Variants in POLR1A observed in about 807,000 individuals in gnomAD.
The protein encoded by POLR1A is RNA polymerase I subunit A.
In POLR1A, 84 loss-of-function variants were observed where a neutral mutation model predicts 205.3. That is an observed-to-expected ratio of 0.41 (90% CI 0.34 to 0.49). POLR1A has a LOEUF of 0.49. Ranked by LOEUF, POLR1A falls within the 20% of genes least tolerant of loss-of-function variation. The probability of loss-of-function intolerance (pLI) is 0.22; values close to 1 mark genes in which losing one functional copy is unlikely to be tolerated. For synonymous variants in POLR1A, 799 were observed against 863.7 expected (o/e 0.93, Z 1.31); for missense variants, 1,645 against 2,204.5 (o/e 0.75, Z 5.08).
chr2:86,097,760 A>G (rs1673733182), intron 3 of POLR1A, among the ~76,000 whole-genome samples: 1 of 152,122 alleles, frequency 6.6e-6, no homozygotes, highest in African/African-American at 2.4e-5. Context: ...GGAGGGGAAC[A>G]GGAAGAGATT....
chr2:86,075,933 C>T lies in POLR1A; in HGVS notation c.1381-673G>A, dbSNP rs138563732. 5.2e-3 allele frequency among the ~76,000 whole-genome samples: 791 copies of T among 152,316 alleles called. 8 individuals carry two copies. Among genetic ancestry groups the T allele is most frequent in the African/African-American group, 0.018 (751 of 41,564 alleles). ...CCTGTCCTCAAATACCCTGACATCC[C>T]TCATCTACCCTGGCAGACATCACTA... is the stretch of plus-strand genomic sequence containing the variant. On this transcript the variant is annotated intron_variant, in intron 11 of 33. Transcript: ENST00000263857.
rs577161109 is a variant in POLR1A at position 86,091,629 on chromosome 2, T to C, written c.433-1700A>G. ...TTACAAAAAAAAGTTTAAGGTATAA[T>C]AGTAGGCACCATGAATAATTTTATG... is the stretch of plus-strand genomic sequence containing the variant. On this transcript the variant is annotated intron_variant, in intron 3 of 33. Transcript: ENST00000263857. Among the ~76,000 whole-genome samples the C allele has an allele frequency of 3.3e-5, 5 of 152,328 alleles. No homozygotes were observed. In the East Asian group the frequency reaches 7.7e-4, roughly 23 times the overall value.
At position 86,023,070 on chromosome 2, in the gene POLR1A, A is replaced by G. The variant is rs1690180030; in HGVS notation, c.*4353T>C. On this transcript the variant is annotated 3_prime_UTR_variant, in exon 34 of 34. Transcript: ENST00000263857. ...AATCGATCTTTTTAAAAAGCTCCCTAAGTGTTTCTAAGGTCCAAAACTGAG... is the reference window on the plus strand; with the variant it reads ...AATCGATCTTTTTAAAAAGCTCCCTGAGTGTTTCTAAGGTCCAAAACTGAG... 1 of 152,214 alleles carries G rather than the reference A, an allele frequency of 6.6e-6. No homozygotes were observed. Among genetic ancestry groups the G allele is most frequent in the South Asian group, 2.1e-4 (1 of 4,810 alleles). The allele number at this position is 152,214 out of a possible 1,614,324, so 9.4% of individuals were successfully genotyped here.
At position 86,020,423 on chromosome 2, in the gene POLR1A, C is replaced by T. The variant is rs1411154981; in HGVS notation, c.*7000G>A. 1 of 151,824 alleles carries T rather than the reference C, an allele frequency of 6.6e-6. No individual in the cohort carries two copies. Among genetic ancestry groups the T allele is most frequent in the East Asian group, 1.9e-4 (1 of 5,184 alleles). The allele number at this position is 151,824 out of a possible 1,614,324, so 9.4% of individuals were successfully genotyped here. ...ATTAGCTGGGCATGGTGTTGTGTGC[C>T]TGTAGTCCCAGTTACTTGGAAGGCT... On this transcript the variant is annotated 3_prime_UTR_variant, in exon 34 of 34. Coordinates refer to ENST00000263857, the MANE Select transcript of POLR1A (RefSeq NM_015425.6).
At chr2:86,096,505 T>A (rs1037356369) in intron 3 of POLR1A, among the ~76,000 whole-genome samples, 2 of 152,066 alleles carry the variant, frequency 1.3e-5, no homozygotes, top group Admixed American at 6.5e-5. Context: ...GCTGGAGGCA[T>A]CACACTACCA....
intron 19 of POLR1A, 34 bp from the exon 20 acceptor site, chr2:86,045,803 T>G (rs928840349): frequency 1.3e-6 from 2 of 1,583,272 alleles, no homozygotes; most frequent in South Asian, 2.3e-5. Context: ...AAACTGAAGA[T>G]CCACATGTGT....
intron 18 of POLR1A, among the ~76,000 whole-genome samples, 178 bp downstream of exon 18, chr2:86,048,706 G>A (rs1429309737): frequency 6.6e-6 from 1 of 152,196 alleles, no homozygotes; most frequent in East Asian, 1.9e-4. Flanking sequence ...CTGGGGCAGG[G>A]AACAAAGCCC....
chr2:86,044,161 G>C lies in POLR1A; in HGVS notation c.3113C>G (p.Pro1038Arg), dbSNP rs1418549978. The C allele has an allele frequency of 1.2e-6, 2 of 1,614,080 alleles. No homozygotes were observed. The highest frequency in any genetic ancestry group is 1.7e-6 in the Non-Finnish European group (2 of 1,180,038). Reference sequence around the variant, plus strand: ...TACCTCGTAGTTGCTGGCCAGGAAGGGGAACTGCTTGGGCTGCAGGAACTG... The same window carrying C: ...TACCTCGTAGTTGCTGGCCAGGAAGCGGAACTGCTTGGGCTGCAGGAACTG... ...KTQFLQPKQF[P>R]FLASNYEVIM... Residue 1038 changes from proline (P) to arginine (R), a missense_variant, in exon 22 of 34, where the codon CCC becomes CGC. By Grantham distance (103) the Pro-to-Arg change is moderately radical. This residue lies in a region of POLR1A where 201 missense variants were observed against 222.3 expected (regional missense o/e 0.90). Transcript: ENST00000263857.
chr2:86,086,082 G>C (rs1456856449), intron 6 of POLR1A, among the ~76,000 whole-genome samples: 1 of 152,078 alleles, frequency 6.6e-6, no homozygotes, highest in Non-Finnish European at 1.5e-5. Context: ...CTTTGAGATG[G>C]GGTTTCGCTC....
rs538345947 is a variant in POLR1A, at chr2:86,033,724, G to A, written c.4098C>T (p.Asn1366=). 10 of 1,613,988 alleles carry A rather than the reference G, an allele frequency of 6.2e-6. No individual in the cohort carries two copies. The highest frequency in any genetic ancestry group is 4.4e-5 in the South Asian group (4 of 91,068). The change falls in exon 28 of 34, where the codon AAC becomes AAT. Residue 1366 remains asparagine (N), a synonymous_variant. Coordinates refer to ENST00000263857, the MANE Select transcript of POLR1A (RefSeq NM_015425.6). ...GCTGTGTAGCTCTTCGAGTGTTTAC[G>A]TTCCTGAAAGCTGATGCTTTATTAT... ...KKNNKASAFR[N]VNTRRATQRD...
intron 14 of POLR1A, among the ~76,000 whole-genome samples, chr2:86,054,914 G>A (rs185250870): frequency 1.3e-5 from 2 of 152,352 alleles, no homozygotes; most frequent in Admixed American, 6.5e-5. Flanking sequence ...GGGGCAGACC[G>A]GCAGGTGTGA....
At chr2:86,088,734 T>C (rs751780473) in intron 5 of POLR1A, 51 bp downstream of exon 5, 19 of 1,593,208 alleles carry the variant, frequency 1.2e-5, no homozygotes, top group Admixed American at 1.7e-5. Context: ...ATAATAGCAA[T>C]GAGTGACTGC....
At chr2:86,064,852 C>T (rs1673058439) in intron 14 of POLR1A, among the ~76,000 whole-genome samples, 1 of 151,830 alleles carries the variant, frequency 6.6e-6, no homozygotes, top group South Asian at 2.1e-4. Flanking sequence ...CTCCTGGGTT[C>T]AAGCGATTCT....
intron 11 of POLR1A, among the ~76,000 whole-genome samples, chr2:86,076,523 G>T (rs1673286708): frequency 6.6e-6 from 1 of 152,250 alleles, no homozygotes. Context: ...TCTATGGGAA[G>T]TGTGTGATCC....
At position 86,031,510 on chromosome 2, in the gene POLR1A, C is replaced by T; in HGVS notation, c.4398G>A (p.Val1466=). ...ARKTQEQDEE[V]GLGTEEDPSL... ...ACGGGTCCTCCTCAGTGCCTAAGCC[C>T]ACCTCTTCATCTTGCTCTTGGGTCT... Residue 1466 remains valine (V), a synonymous_variant, in exon 30 of 34, where the codon GTG becomes GTA. Transcript: ENST00000263857. 1.9e-6 allele frequency: 3 copies of T among 1,614,224 alleles called. No individual in the cohort carries two copies. Among genetic ancestry groups the T allele is most frequent in the Admixed American group, 3.3e-5 (2 of 60,032 alleles).
chr2:86,076,405 T>C (rs948671685), intron 11 of POLR1A, among the ~76,000 whole-genome samples: 1 of 152,252 alleles, frequency 6.6e-6, no homozygotes, highest in African/African-American at 2.4e-5. Flanking sequence ...TGTCTATCTA[T>C]TTACTGTCTG....
In POLR1A at chr2:86,077,345, C is replaced by T. The variant is rs184996430; in HGVS notation, c.1380+514G>A. 7.9e-5 allele frequency among the ~76,000 whole-genome samples: 12 copies of T among 152,236 alleles called. No individual in the cohort carries two copies. The South Asian group carries it at 1.9e-3, about 24-fold the overall frequency. On this transcript the variant is annotated intron_variant, in intron 11 of 33. Transcript: ENST00000263857. The stretch of plus-strand genomic sequence containing the variant: ...ACAGCAAGCTGCTGACCCTGAGAAG[C>T]GAAACAGGACCTGGGCAACATGCAC...
intron 16 of POLR1A, 85 bp downstream of exon 16, chr2:86,052,732 C>T (rs544211133): frequency 1.1e-5 from 12 of 1,122,054 alleles, no homozygotes; most frequent in Middle Eastern, 2.9e-4. Flanking sequence ...TCAGTGTGGA[C>T]GGCTCTCTCT....
chr2:86,086,250 G>A (rs1476786000), intron 6 of POLR1A, among the ~76,000 whole-genome samples: 1 of 151,862 alleles, frequency 6.6e-6, no homozygotes, highest in African/African-American at 2.4e-5. Flanking sequence ...AGTAGAGACA[G>A]GGTTTCACCA....
Sources: gnomAD v4.1 joint callset for allele counts (sites outside exome capture counted in the v4.1 genomes callset) on GRCh38, gnomAD v4.1.1 for gene constraint, gnomAD v4.1.1 regional missense constraint, MANE v1.5 for transcripts, NCBI Gene and HGNC (gene_info 2026-07-23, HGNC 2026-07-21) for gene names.